DTWD2: variants seen among roughly 807,000 people sequenced by gnomAD.
DTWD2 encodes the protein DTW motif tRNA-uridine aminocarboxypropyltransferase 2.
Under a neutral mutation model 31.8 loss-of-function variants are expected in DTWD2, and 39 were observed. The observed-to-expected ratio is 1.22, with a 90% CI of 0.95 to 1.60. DTWD2 has a LOEUF of 1.60. Among genes scored for constraint, DTWD2 ranks in the 40% most tolerant of loss-of-function variants. DTWD2 has a pLI of 0.00. For missense variants in DTWD2, 515 were observed against 381.5 expected, an observed-to-expected ratio of 1.35 and a Z score of -2.92; for synonymous variants, 180 against 142.8, an observed-to-expected ratio of 1.26 and a Z score of -1.86.
chr5:118,861,821 T>G (rs1019561647), intron 4 of DTWD2, among the ~76,000 whole-genome samples: 2 of 152,082 alleles, frequency 1.3e-5, no homozygotes, highest in East Asian at 3.9e-4. Context: ...AATGGACTGA[T>G]AGAGAGTAAC....
Position 118,840,721 on chromosome 5 carries a change from C to A in DTWD2, c.*196G>T, listed in dbSNP as rs567219382. On this transcript the variant is annotated 3_prime_UTR_variant, in exon 6 of 6. Transcript: ENST00000510708. ...TTAAAAACAAGTACAGTAGGAAATC[C>A]TGCTTTTCAGTGAGCCAGTGAATTT... is the stretch of plus-strand genomic sequence containing the variant. 4.8e-5 allele frequency: 24 copies of A among 500,802 alleles called. No individual in the cohort carries two copies. In the East Asian group the frequency reaches 1.0e-3, roughly 21 times the overall value. The allele number at this position is 500,802 out of a possible 1,614,324, so 31.0% of individuals were successfully genotyped here. A position where few individuals can be genotyped will look rare whatever the true frequency, so the allele number is the denominator to read the frequency against.
At chr5:118,867,136 T>C (rs1752397655) in intron 4 of DTWD2, among the ~76,000 whole-genome samples, 1 of 152,080 alleles carries the variant, frequency 6.6e-6, no homozygotes, top group Non-Finnish European at 1.5e-5. Flanking sequence ...TAAAGAAAAC[T>C]AAATTTATAT....
intron 4 of DTWD2, among the ~76,000 whole-genome samples, chr5:118,909,778 G>C (rs921419083): frequency 2.6e-5 from 4 of 152,298 alleles, no homozygotes; most frequent in Middle Eastern, 3.4e-3. Flanking sequence ...ATAACACAGA[G>C]AGCTGCCTGA....
chr5:118,896,020 C>A lies in DTWD2; in HGVS notation c.597+32517G>T, dbSNP rs540665906. Among the ~76,000 whole-genome samples the A allele has an allele frequency of 7.9e-5, 12 of 152,086 alleles. No homozygotes were observed. The South Asian group carries it at 2.5e-3, about 32-fold the overall frequency. The stretch of plus-strand genomic sequence containing the variant: ...GATGTCATTTGCTGCTATTAATACA[C>A]AAAAATAAACATGATTACTGAATAT... On this transcript the variant is annotated intron_variant, in intron 4 of 5. Transcript: ENST00000510708.
At chr5:118,874,756 C>A (rs1158462409) in intron 4 of DTWD2, among the ~76,000 whole-genome samples, 1 of 151,950 alleles carries the variant, frequency 6.6e-6, no homozygotes, top group Admixed American at 6.6e-5. Flanking sequence ...CTGAAAGAAA[C>A]GGGGAGAAAG....
chr5:118,853,950 A>T (rs1460324518), intron 4 of DTWD2, among the ~76,000 whole-genome samples: 2 of 152,188 alleles, frequency 1.3e-5, no homozygotes, highest in African/African-American at 4.8e-5. Flanking sequence ...GGAGAAAGGG[A>T]CTGTTTAAGA....
chr5:118,969,573 C>T (rs1754935745), intron 1 of DTWD2, among the ~76,000 whole-genome samples: 1 of 152,194 alleles, frequency 6.6e-6, no homozygotes, highest in Admixed American at 6.5e-5. Context: ...ACCCCAACAA[C>T]CACAGCAGCC....
At chr5:118,936,401 A>G (rs973100962) in intron 3 of DTWD2, among the ~76,000 whole-genome samples, 1 of 152,076 alleles carries the variant, frequency 6.6e-6, no homozygotes, top group Non-Finnish European at 1.5e-5. Context: ...ATTGAGCCCA[A>G]GAGTTCAAGG....
At chr5:118,984,973 G>A (rs1261802831) in intron 1 of DTWD2, among the ~76,000 whole-genome samples, 2 of 152,076 alleles carry the variant, frequency 1.3e-5, no homozygotes, top group African/African-American at 4.8e-5. Context: ...CAAAAGTCAT[G>A]TACAAAAGTC....
At position 118,988,282 on chromosome 5, in the gene DTWD2, C is replaced by A. The variant is rs762261990; in HGVS notation, c.218+12G>T. On this transcript the variant is annotated intron_variant, in intron 1 of 5. Transcript: ENST00000510708. ...TGCCGGCTGCAGTCCCCGCCCCCAG[C>A]CCCGCGGTCACCTGCAGCGGGTGCA... is the stretch of plus-strand genomic sequence containing the variant. 1 of 1,524,830 alleles carries A rather than the reference C, an allele frequency of 6.6e-7. No individual in the cohort carries two copies. Among genetic ancestry groups the A allele is most frequent in the South Asian group, 1.2e-5 (1 of 82,064 alleles). 94.5% of individuals were successfully genotyped at this position (1,524,830 alleles called of 1,614,324 possible).
chr5:118,836,617 G>C lies in DTWD2; in HGVS notation c.*4300C>G, dbSNP rs1015264822. Among the ~76,000 whole-genome samples the C allele has an allele frequency of 2.0e-5, 3 of 152,172 alleles. No individual in the cohort carries two copies. The highest frequency in any genetic ancestry group is 7.2e-5 in the African/African-American group (3 of 41,442). On this transcript the variant is annotated 3_prime_UTR_variant, in exon 6 of 6. Coordinates refer to ENST00000510708, the MANE Select transcript of DTWD2 (RefSeq NM_173666.4). Reference sequence around the variant, plus strand: ...TTTAGTAGAGTACAGGAGTTGCTATGGTCTGAATATTTGTGTCCCCACAAA... The same window carrying C: ...TTTAGTAGAGTACAGGAGTTGCTATCGTCTGAATATTTGTGTCCCCACAAA...
chr5:118,836,927 A>T lies in DTWD2; in HGVS notation c.*3990T>A, dbSNP rs1252034509. On this transcript the variant is annotated 3_prime_UTR_variant, in exon 6 of 6. Coordinates refer to ENST00000510708, the MANE Select transcript of DTWD2 (RefSeq NM_173666.4). ...TATTCTGAGAGAGCAGCCAGAATGG[A>T]CTAAGACAGGAGTCAAGTGATCAGC... 6.6e-6 allele frequency among the ~76,000 whole-genome samples: 1 copy of T among 152,228 alleles called. No homozygotes were observed. Among genetic ancestry groups the T allele is most frequent in the Non-Finnish European group, 1.5e-5 (1 of 68,032 alleles).
At chr5:118,952,135 G>C (rs1233929439) in intron 1 of DTWD2, among the ~76,000 whole-genome samples, 1 of 152,164 alleles carries the variant, frequency 6.6e-6, no homozygotes, top group African/African-American at 2.4e-5. Flanking sequence ...ATTTAAAATT[G>C]GTGAGATGTT....
At chr5:118,881,499 T>G (rs1384343182) in intron 4 of DTWD2, among the ~76,000 whole-genome samples, 1 of 152,314 alleles carries the variant, frequency 6.6e-6, no homozygotes, top group East Asian at 1.9e-4. Context: ...CAATATTTCT[T>G]TTAATAAAGA....
chr5:118,847,505 C>T (rs1348906218), intron 5 of DTWD2, among the ~76,000 whole-genome samples: 1 of 152,046 alleles, frequency 6.6e-6, no homozygotes, highest in Non-Finnish European at 1.5e-5. Context: ...CACACTGAAA[C>T]ATTATTCTTT....
intron 1 of DTWD2, among the ~76,000 whole-genome samples, chr5:118,984,948 G>C (rs956716867): frequency 6.6e-6 from 1 of 152,112 alleles, no homozygotes; most frequent in Non-Finnish European, 1.5e-5. Flanking sequence ...AAATAAAAAA[G>C]TATAAATTAT....
At chr5:118,955,430 G>C (rs1754563734) in intron 1 of DTWD2, among the ~76,000 whole-genome samples, 1 of 152,172 alleles carries the variant, frequency 6.6e-6, no homozygotes, top group Non-Finnish European at 1.5e-5. Context: ...GGTAAGTGCA[G>C]AGTAACTGCT....
chr5:118,860,847 T>C (rs1447315173), intron 4 of DTWD2, among the ~76,000 whole-genome samples: 1 of 152,230 alleles, frequency 6.6e-6, no homozygotes, highest in Non-Finnish European at 1.5e-5. Flanking sequence ...TATTCTTCTA[T>C]AAGATTAATG....
At chr5:118,876,854 GGA>G (rs1752632529) in intron 4 of DTWD2, among the ~76,000 whole-genome samples, 1 of 152,120 alleles carries the variant, frequency 6.6e-6, no homozygotes, top group Non-Finnish European at 1.5e-5. Flanking sequence ...TGAGGAGGAG[GGA>G]CTCCTCCCAA....
Sources: gnomAD v4.1 joint callset for allele counts (sites outside exome capture counted in the v4.1 genomes callset) on GRCh38, gnomAD v4.1.1 for gene constraint, MANE v1.5 for transcripts, NCBI Gene and HGNC (gene_info 2026-07-23, HGNC 2026-07-21) for gene names.